SCLT1: variants seen among roughly 807,000 people sequenced by gnomAD.
The protein encoded by SCLT1 is sodium channel-associated protein 1.
A neutral mutation model predicts 112.8 loss-of-function variants in SCLT1; 78 were observed. The ratio of observed to expected loss-of-function variants is 0.69; its 90% confidence interval spans 0.58 to 0.83. The LOEUF is 0.83. SCLT1 is among the 40% of genes least tolerant of loss of function. SCLT1 has a pLI of 0.00. For synonymous variants in SCLT1, 257 were observed against 254.7 expected, an observed-to-expected ratio of 1.01 and a Z score of -0.09; for missense variants, 747 against 770.4, an observed-to-expected ratio of 0.97 and a Z score of 0.36.
At chr4:129,081,183 G>A (rs769692456) in intron 2 of SCLT1, among the ~76,000 whole-genome samples, 7 of 152,122 alleles carry the variant, frequency 4.6e-5, no homozygotes, top group African/African-American at 1.2e-4. Context: ...CACAGAAACC[G>A]CCACTGCTAT....
At chr4:128,983,905 T>C (rs1443691414) in intron 9 of SCLT1, among the ~76,000 whole-genome samples, 5 of 152,148 alleles carry the variant, frequency 3.3e-5, no homozygotes, top group African/African-American at 4.8e-5. Flanking sequence ...ACCTAAATTC[T>C]GGTAATGTCA....
At chr4:128,879,506 C>T (rs1017747693), downstream of SCLT1, among the ~76,000 whole-genome samples, 2 of 152,150 alleles carry the variant, frequency 1.3e-5, no homozygotes, top group African/African-American at 4.8e-5. Context: ...TGGTGTTGAC[C>T]AGATCTGGTC....
intron 18 of SCLT1, among the ~76,000 whole-genome samples, chr4:128,901,412 A>G (rs1668287): frequency 0.73 from 109,869 of 151,306 alleles, 40,189 homozygotes; most frequent in African/African-American, 0.82. Context: ...TCAGCAAACT[A>G]TCGCAAGGAC....
At chr4:129,025,409 A>G (rs1412826535) in intron 5 of SCLT1, among the ~76,000 whole-genome samples, 2 of 152,168 alleles carry the variant, frequency 1.3e-5, no homozygotes, top group Non-Finnish European at 2.9e-5. Flanking sequence ...ATTCTTAAAG[A>G]AAAGAATTTT....
rs749823710 is a variant in SCLT1, at chr4:128,999,732, C to T, written c.489G>A (p.Lys163=). The T allele has an allele frequency of 1.2e-5, 20 of 1,606,336 alleles. No homozygotes were observed. The highest frequency in any genetic ancestry group is 1.6e-5 in the Non-Finnish European group (19 of 1,174,600). Residue 163 remains lysine (K), a synonymous_variant, in exon 7 of 21, where the codon AAG becomes AAA. Transcript: ENST00000281142. ...CCTCAGTCATATGTTCCTGGTAAAG[C>T]TTGTGTAGTCTGTCCAACTCCTGAG... ...TVSQELDRLH[K]LYQEHMTEAQ...
At chr4:128,960,998 AT>A (rs34829683) in intron 11 of SCLT1, among the ~76,000 whole-genome samples, 108,112 of 146,096 alleles carry the variant, frequency 0.74, 41,099 homozygotes, top group African/African-American at 0.93. Flanking sequence ...TATGCTGCAA[AT>A]TTTTTTTTTT....
intron 2 of SCLT1, among the ~76,000 whole-genome samples, chr4:129,066,665 G>T (rs542451747): frequency 6.6e-6 from 1 of 151,964 alleles, no homozygotes; most frequent in Admixed American, 6.6e-5. Context: ...ATACATTTTG[G>T]TATAGTAATA....
intron 18 of SCLT1, among the ~76,000 whole-genome samples, chr4:128,931,341 T>C (rs558782366): frequency 1.3e-5 from 2 of 152,300 alleles, no homozygotes; most frequent in South Asian, 4.1e-4. Flanking sequence ...AGGAACTGCC[T>C]TTTGTGTATT....
At chr4:129,082,881 G>A (rs1220715405) in intron 1 of SCLT1, among the ~76,000 whole-genome samples, 3 of 152,120 alleles carry the variant, frequency 2.0e-5, no homozygotes, top group African/African-American at 7.2e-5. Flanking sequence ...CCAGAATAAA[G>A]GTGAGAGGTC....
At chr4:128,964,486 A>G (rs2126022139) in intron 11 of SCLT1, among the ~76,000 whole-genome samples, 1 of 152,346 alleles carries the variant, frequency 6.6e-6, no homozygotes, top group Middle Eastern at 3.4e-3. Context: ...CTGGAGGACC[A>G]AAAGAATTGA....
At chr4:128,955,530 T>C (rs1739148291) in intron 13 of SCLT1, among the ~76,000 whole-genome samples, 1 of 152,202 alleles carries the variant, frequency 6.6e-6, no homozygotes, top group African/African-American at 2.4e-5. Context: ...AACAGAAATA[T>C]GTGACAATTT....
rs563588935 is a variant in SCLT1 at position 129,035,684 on chromosome 4, T to C, written c.290+3357A>G. Among the ~76,000 whole-genome samples, 3 of 152,262 alleles carry C rather than the reference T, an allele frequency of 2.0e-5. No homozygotes were observed. In the East Asian group the frequency reaches 5.8e-4, roughly 29 times the overall value. On this transcript the variant is annotated intron_variant, in intron 5 of 20. Coordinates refer to ENST00000281142, the MANE Select transcript of SCLT1 (RefSeq NM_144643.4). ...TACATGTATTCATTCATTTATTCAATTATCTTACTCAATTTCCTTCCTCTG... is the reference window on the plus strand; with the variant it reads ...TACATGTATTCATTCATTTATTCAACTATCTTACTCAATTTCCTTCCTCTG...
chr4:128,895,917 T>C (rs1246156701), intron 18 of SCLT1, among the ~76,000 whole-genome samples: 1 of 152,186 alleles, frequency 6.6e-6, no homozygotes, highest in African/African-American at 2.4e-5. Context: ...AAGGGTCCTA[T>C]GCCCACGGAG....
intron 9 of SCLT1, among the ~76,000 whole-genome samples, chr4:128,988,493 A>C (rs1470109019): frequency 6.6e-6 from 1 of 151,980 alleles, no homozygotes; most frequent in South Asian, 2.1e-4. Flanking sequence ...ATACAAAAAA[A>C]CCTGAAAAGC....
At chr4:129,008,703 G>A (rs1382675377) in intron 5 of SCLT1, among the ~76,000 whole-genome samples, 1 of 151,902 alleles carries the variant, frequency 6.6e-6, no homozygotes, top group African/African-American at 2.4e-5. Context: ...ACATGTACAG[G>A]TTTGTTATAT....
chr4:128,878,835 T>C (rs1732576773), intron 3 of SCLT1, among the ~76,000 whole-genome samples: 1 of 152,182 alleles, frequency 6.6e-6, no homozygotes, highest in African/African-American at 2.4e-5. Context: ...GCCAATTTCT[T>C]TTCTAGGTCT....
At chr4:128,910,654 G>C (rs1229392754) in intron 18 of SCLT1, among the ~76,000 whole-genome samples, 1 of 151,782 alleles carries the variant, frequency 6.6e-6, no homozygotes, top group Non-Finnish European at 1.5e-5. Flanking sequence ...TCTATTCCAA[G>C]AGAATAAAAA....
At chr4:129,084,696 T>C (rs1249529400) in intron 1 of SCLT1, among the ~76,000 whole-genome samples, 2 of 152,146 alleles carry the variant, frequency 1.3e-5, no homozygotes, top group South Asian at 4.2e-4. Context: ...TGGAACATAA[T>C]AGTGAACCCA....
intron 4 of SCLT1, among the ~76,000 whole-genome samples, chr4:129,040,685 C>T (rs550206485): frequency 6.6e-6 from 1 of 152,290 alleles, no homozygotes; most frequent in East Asian, 1.9e-4. Context: ...TTCTTCCCTA[C>T]TATTTATATT....
Sources: allele counts gnomAD v4.1 joint callset (sites outside exome capture counted in the v4.1 genomes callset), GRCh38; gene constraint gnomAD v4.1.1; transcripts MANE v1.5; gene names NCBI Gene and HGNC (gene_info 2026-07-23, HGNC 2026-07-21).